ARHGEF10L: variants seen among roughly 807,000 people sequenced by gnomAD.
ARHGEF10L encodes rho guanine nucleotide exchange factor 10-like protein.
A neutral mutation model predicts 141.2 loss-of-function variants in ARHGEF10L; 69 were observed. The observed-to-expected ratio is 0.49, with a 90% confidence interval of 0.40 to 0.60. ARHGEF10L has a LOEUF of 0.60. Ranked by LOEUF, ARHGEF10L falls within the 20% of genes least tolerant of loss-of-function variation. ARHGEF10L has a pLI of 0.00. For synonymous variants in ARHGEF10L, 711 were observed against 718.5 expected, an observed-to-expected ratio of 0.99 and a Z score of 0.17; for missense variants, 1,482 against 1,734.3, an observed-to-expected ratio of 0.85 and a Z score of 2.58.
intron 21 of ARHGEF10L, among the ~76,000 whole-genome samples, chr1:17,641,539 C>A (rs1464885226): frequency 1.3e-5 from 2 of 152,076 alleles, no homozygotes; most frequent in African/African-American, 2.4e-5. Context: ...AGGAGAATTG[C>A]TTGAATCCGG....
intron 5 of ARHGEF10L, 92 bp downstream of exon 5, chr1:17,602,310 T>A: frequency 2.1e-5 from 29 of 1,394,994 alleles, no homozygotes; most frequent in Non-Finnish European, 2.8e-5. Flanking sequence ...TGTGGGCTCC[T>A]GTGAGCCCAG....
At chr1:17,616,319 G>A (rs1352677500) in intron 9 of ARHGEF10L, 117 bp downstream of exon 9, 1 of 840,622 alleles carries the variant, frequency 1.2e-6, no homozygotes, top group South Asian at 1.6e-5. Flanking sequence ...TTGGCGTATG[G>A]TTCCTCTGGT....
chr1:17,648,651 C>T lies in ARHGEF10L; in HGVS notation c.2370C>T (p.Phe790=), dbSNP rs1392025554. Residue 790 remains phenylalanine (F), a synonymous_variant, in exon 22 of 29, where the codon TTC becomes TTT. Coordinates refer to ENST00000361221, the MANE Select transcript of ARHGEF10L (RefSeq NM_018125.4). ...TCCTGGCCTGCTGCATCCCTGCCTTCTCCTCCCGGGCACTCAGCCTGCAGG... is the reference window on the plus strand; with the variant it reads ...TCCTGGCCTGCTGCATCCCTGCCTTTTCCTCCCGGGCACTCAGCCTGCAGG... ...CPILACCIPA[F]SSRALSLQLG... 1 of 1,612,840 alleles carries T rather than the reference C, an allele frequency of 6.2e-7. No homozygotes were observed.
rs575370152 is a variant in ARHGEF10L at position 17,610,336 on chromosome 1, G to A, written c.609+2359G>A. ...TGTACTCACCATGGCCTGGCCCTGG[G>A]ACCTCTGGGGGCTGCCTGTGAGCTC... is the stretch of plus-strand genomic sequence containing the variant. On this transcript the variant is annotated intron_variant, in intron 7 of 28. Coordinates refer to ENST00000361221, the MANE Select transcript of ARHGEF10L (RefSeq NM_018125.4). 5.9e-5 allele frequency among the ~76,000 whole-genome samples: 9 copies of A among 152,318 alleles called. No individual in the cohort carries two copies. The East Asian group carries it at 1.7e-3, about 29-fold the overall frequency.
chr1:17,682,203 G>C (rs996012888), intron 26 of ARHGEF10L, among the ~76,000 whole-genome samples: 6 of 152,150 alleles, frequency 3.9e-5, no homozygotes, highest in African/African-American at 1.2e-4. Context: ...CTGCCTTCAG[G>C]CTCTTTCAGT....
intron 1 of ARHGEF10L, among the ~76,000 whole-genome samples, chr1:17,566,882 G>C (rs2077777556): frequency 6.6e-6 from 1 of 152,116 alleles, no homozygotes; most frequent in South Asian, 2.1e-4. Context: ...GGATGGCAGA[G>C]GGATGCCAAG....
At chr1:17,696,766 G>A (rs61764942) in intron 28 of ARHGEF10L, 82 bp from the exon 29 acceptor site, 55,720 of 1,323,438 alleles carry the variant, frequency 0.042, 1,388 homozygotes, top group Non-Finnish European at 0.049. Flanking sequence ...CACCCAGAAT[G>A]TTCTCCAGGA....
At chr1:17,689,949 A>G (rs998219027) in intron 27 of ARHGEF10L, 2 of 421,438 alleles carry the variant, frequency 4.7e-6, no homozygotes, top group Non-Finnish European at 9.5e-6. Context: ...TTTCACATGC[A>G]CCTTCACGCC....
chr1:17,582,925 T>A (rs1486287764), intron 2 of ARHGEF10L, among the ~76,000 whole-genome samples: 1 of 151,918 alleles, frequency 6.6e-6, no homozygotes, highest in African/African-American at 2.4e-5. Context: ...CTATTTGTAC[T>A]CTTAAAGGGA....
At chr1:17,529,054 A>G in the ARHGEF10L span, among the ~76,000 whole-genome samples, 1 of 152,100 alleles carries the variant, frequency 6.6e-6, no homozygotes, top group Non-Finnish European at 1.5e-5. Context: ...CCCAGGCTGG[A>G]GTACAGTGGC....
chr1:17,617,658 C>A (rs1298236652), intron 9 of ARHGEF10L, among the ~76,000 whole-genome samples: 1 of 152,222 alleles, frequency 6.6e-6, no homozygotes, highest in Non-Finnish European at 1.5e-5. Context: ...GGAACACAGG[C>A]CTCGAGCCAG....
chr1:17,607,765 C>G lies in ARHGEF10L; in HGVS notation c.434-37C>G. The G allele has an allele frequency of 6.7e-7, 1 of 1,482,228 alleles. No individual in the cohort carries two copies. The highest frequency in any genetic ancestry group is 8.9e-7 in the Non-Finnish European group (1 of 1,118,870). 91.8% of individuals were successfully genotyped at this position (1,482,228 alleles called of 1,614,324 possible). ...GCTGGAAGTCTGGTAGGCTTGGCCT[C>G]AGGGCCTGGGCTCACCGGCTGCCGC... On this transcript the variant is annotated intron_variant, in intron 6 of 28. Coordinates refer to ENST00000361221, the MANE Select transcript of ARHGEF10L (RefSeq NM_018125.4). The surrounding 1 kb of genome is among the most constrained non-coding windows in gnomAD (Gnocchi z 4.5).
rs1404309680 is a variant in ARHGEF10L, at chr1:17,623,026, C to T, written c.1051C>T (p.Pro351Ser). ...DYRNPLMEME[P>S]KALSARKCQV... The stretch of plus-strand genomic sequence containing the variant: ...CCGCAACCCCCTGATGGAGATGGAG[C>T]CCAAGGCGCTGAGCGCCCGCAAGTG... Residue 351 changes from proline to serine, a missense_variant, in exon 12 of 29, where the codon CCC (proline) becomes TCC (serine). Pro to Ser is a moderately conservative substitution (Grantham distance 74). This residue lies in a region of ARHGEF10L where 392 missense variants were observed against 542.1 expected (regional missense o/e 0.72). Coordinates refer to ENST00000361221, the MANE Select transcript of ARHGEF10L (RefSeq NM_018125.4). This position sits in a 1 kb window ranked among gnomAD's most constrained non-coding sequence, Gnocchi z 4.7. 13 of 1,613,790 alleles carry T rather than the reference C, an allele frequency of 8.1e-6. No homozygotes were observed. The highest frequency in any genetic ancestry group is 1.1e-5 in the Non-Finnish European group (13 of 1,179,944).
chr1:17,657,206 C>T (rs776432119), intron 25 of ARHGEF10L, among the ~76,000 whole-genome samples: 34 of 152,194 alleles, frequency 2.2e-4, no homozygotes, highest in Admixed American at 2.0e-4. Flanking sequence ...CCATCCCTAG[C>T]ACAGGTTACG....
intron 27 of ARHGEF10L, chr1:17,694,726 C>T (rs2065360344): frequency 2.8e-6 from 1 of 354,124 alleles, no homozygotes; most frequent in East Asian, 7.7e-5. Context: ...TGCCTTCCAT[C>T]TGCACCAACA....
At chr1:17,636,073 T>C (rs937069692) in intron 18 of ARHGEF10L, among the ~76,000 whole-genome samples, 29 of 152,188 alleles carry the variant, frequency 1.9e-4, no homozygotes, top group African/African-American at 6.8e-4. Flanking sequence ...CTGCCCCACG[T>C]GCCTTCCTCG....
chr1:17,565,576 A>G (rs2077717895), intron 1 of ARHGEF10L, among the ~76,000 whole-genome samples: 1 of 152,142 alleles, frequency 6.6e-6, no homozygotes, highest in African/African-American at 2.4e-5. Flanking sequence ...CCCAGCTGCT[A>G]TTGTCAACAC....
At chr1:17,653,679 G>A (rs546538974) in intron 22 of ARHGEF10L, among the ~76,000 whole-genome samples, 1 of 152,376 alleles carries the variant, frequency 6.6e-6, no homozygotes, top group Non-Finnish European at 1.5e-5. Context: ...GGCCTCTGGT[G>A]TGCAGCCAGG....
At position 17,543,294 on chromosome 1, in the gene ARHGEF10L, A is replaced by T. The variant is rs118170260; in HGVS notation, c.-44+3344A>T. On this transcript the variant is annotated intron_variant, in intron 1 of 28. Coordinates refer to ENST00000361221, the MANE Select transcript of ARHGEF10L (RefSeq NM_018125.4). The stretch of plus-strand genomic sequence containing the variant: ...TTGTTAAACACAACCATTATAAAAA[A>T]TTCTGAGGCCAGGAGCGATGGCTCA... Among the ~76,000 whole-genome samples the T allele has an allele frequency of 7.1e-3, 1,080 of 152,320 alleles. 16 individuals are homozygous for T. The highest frequency in any genetic ancestry group is 0.041 in the East Asian group (211 of 5,180).
Sources: gnomAD v4.1 joint callset for allele counts (sites outside exome capture counted in the v4.1 genomes callset) on GRCh38, gnomAD v4.1.1 for gene constraint, gnomAD v4.1.1 regional missense constraint, Gnocchi (gnomAD v3.1) non-coding constraint, MANE v1.5 for transcripts, NCBI Gene and HGNC (gene_info 2026-07-23, HGNC 2026-07-21) for gene names.